The following SLIT3 variants were observed in gnomAD, a reference collection of about 807,000 sequenced individuals.
SLIT3 encodes slit homolog 3 protein.
Under a neutral mutation model 184.0 loss-of-function variants are expected in SLIT3, and 68 were observed. The observed-to-expected ratio is 0.37, with a 90% confidence interval of 0.30 to 0.45. The LOEUF (loss-of-function observed/expected upper bound fraction) is 0.45. Ranked by LOEUF, SLIT3 falls within the 20% of genes least tolerant of loss-of-function variation. The pLI, the probability that SLIT3 is intolerant of heterozygous loss-of-function variation, is 1.00. For missense variants in SLIT3, 1,707 were observed against 2,026.0 expected, an observed-to-expected ratio of 0.84 and a Z score of 3.02; for synonymous variants, 831 against 828.6, an observed-to-expected ratio of 1.00 and a Z score of -0.05.
chr5:169,181,571 C>T (rs1006301256), intron 4 of SLIT3, among the ~76,000 whole-genome samples: 2 of 151,948 alleles, frequency 1.3e-5, no homozygotes, highest in African/African-American at 4.8e-5. Flanking sequence ...GAAACCCTGT[C>T]TCTACTAAAA....
intron 4 of SLIT3, among the ~76,000 whole-genome samples, chr5:169,189,172 T>C (rs183344185): frequency 4.6e-5 from 7 of 152,114 alleles, no homozygotes; most frequent in Non-Finnish European, 2.9e-5. Context: ...AATACACACA[T>C]GAGTCGGATG....
At chr5:169,205,850 C>T (rs1281353106) in intron 3 of SLIT3, among the ~76,000 whole-genome samples, 1 of 152,190 alleles carries the variant, frequency 6.6e-6, no homozygotes, top group Non-Finnish European at 1.5e-5. Flanking sequence ...TAGCACAAAT[C>T]AAACACTTTG....
At chr5:168,705,563 C>A (rs1393025533) in intron 26 of SLIT3, among the ~76,000 whole-genome samples, 1 of 152,146 alleles carries the variant, frequency 6.6e-6, no homozygotes, top group Non-Finnish European at 1.5e-5. Flanking sequence ...ATCATCTTCA[C>A]CATCACCATC....
At chr5:169,088,941 A>G (rs1178933973) in intron 4 of SLIT3, among the ~76,000 whole-genome samples, 1 of 143,036 alleles carries the variant, frequency 7.0e-6, no homozygotes, top group Non-Finnish European at 1.5e-5. Flanking sequence ...AATCGCTCGT[A>G]CCTGGGAGGC....
Position 168,902,226 on chromosome 5 carries a change from C to T in SLIT3, c.414-18890G>A, listed in dbSNP as rs2113030280. ...GTCTTTCTAGATCCATGTACCTGTCCATTCATCCAAATATTAACGAACATT... is the reference window on the plus strand; with the variant it reads ...GTCTTTCTAGATCCATGTACCTGTCTATTCATCCAAATATTAACGAACATT... On this transcript the variant is annotated intron_variant, in intron 4 of 35. Coordinates refer to ENST00000519560, the MANE Select transcript of SLIT3 (RefSeq NM_003062.4). Among the ~76,000 whole-genome samples, 3 of 152,298 alleles carry T rather than the reference C, an allele frequency of 2.0e-5. No individual in the cohort carries two copies. The South Asian group carries it at 6.2e-4, about 32-fold the overall frequency.
chr5:169,004,203 C>T (rs1400398647), intron 4 of SLIT3, among the ~76,000 whole-genome samples: 2 of 151,928 alleles, frequency 1.3e-5, no homozygotes, highest in Non-Finnish European at 2.9e-5. Context: ...ACACGAAACC[C>T]GAAGGGCTGA....
intron 4 of SLIT3, chr5:169,037,865 C>T (rs1757310784): frequency 6.6e-6 from 1 of 152,268 alleles, no homozygotes; most frequent in Admixed American, 6.5e-5. Context: ...TGATGTGGCG[C>T]ACTGGGCCAT....
At chr5:169,203,083 C>A (rs969523859) in intron 3 of SLIT3, among the ~76,000 whole-genome samples, 6 of 152,124 alleles carry the variant, frequency 3.9e-5, no homozygotes, top group African/African-American at 1.4e-4. Context: ...ACTGGTTCTG[C>A]AGAGAATGGG....
chr5:169,132,572 G>T (rs1761342543), intron 4 of SLIT3, among the ~76,000 whole-genome samples: 1 of 152,156 alleles, frequency 6.6e-6, no homozygotes, highest in Non-Finnish European at 1.5e-5. Flanking sequence ...AGTTTCAGTA[G>T]ATCTGAAATA....
intron 4 of SLIT3, among the ~76,000 whole-genome samples, chr5:169,134,548 C>A (rs1356916343): frequency 1.3e-5 from 2 of 152,148 alleles, no homozygotes; most frequent in Admixed American, 6.5e-5. Flanking sequence ...CTTGACCACC[C>A]TATAAAAAGT....
intron 12 of SLIT3, among the ~76,000 whole-genome samples, chr5:168,784,923 A>G (rs1211225826): frequency 6.6e-6 from 1 of 151,380 alleles, no homozygotes; most frequent in African/African-American, 2.4e-5. Flanking sequence ...GCAAACATAC[A>G]TCATGTGCTA....
At chr5:168,932,353 C>T (rs1162308417) in intron 4 of SLIT3, among the ~76,000 whole-genome samples, 1 of 111,844 alleles carries the variant, frequency 8.9e-6, no homozygotes, top group Non-Finnish European at 1.7e-5. Flanking sequence ...AAAAGACACA[C>T]ACACACACAC....
chr5:169,282,637 G>A (rs987071974), intron 1 of SLIT3, among the ~76,000 whole-genome samples: 1 of 152,098 alleles, frequency 6.6e-6, no homozygotes, highest in Non-Finnish European at 1.5e-5. Flanking sequence ...AAATAAGTGA[G>A]GTTATATTGC....
intron 4 of SLIT3, among the ~76,000 whole-genome samples, chr5:168,914,384 G>A (rs1221023367): frequency 6.6e-6 from 1 of 152,200 alleles, no homozygotes; most frequent in Admixed American, 6.5e-5. Context: ...CCAGGGTTTG[G>A]GGAAGATTAA....
chr5:169,040,757 A>C (rs1757420955), intron 4 of SLIT3, among the ~76,000 whole-genome samples: 1 of 152,192 alleles, frequency 6.6e-6, no homozygotes, highest in Non-Finnish European at 1.5e-5. Flanking sequence ...CACCTCAATC[A>C]ATTATCCCTT....
chr5:168,712,570 G>C (rs1054007320), intron 23 of SLIT3: 19 of 556,068 alleles, frequency 3.4e-5, no homozygotes, highest in African/African-American at 1.7e-4. Flanking sequence ...GCGGAAGAAG[G>C]GGGTGGACTT....
At chr5:168,739,876 A>G (rs1430656185) in intron 20 of SLIT3, among the ~76,000 whole-genome samples, 2 of 152,250 alleles carry the variant, frequency 1.3e-5, no homozygotes, top group Non-Finnish European at 2.9e-5. Context: ...AGATATTAAA[A>G]AGATTTGCAA....
At chr5:169,195,366 C>T (rs1763707880) in intron 3 of SLIT3, among the ~76,000 whole-genome samples, 1 of 152,234 alleles carries the variant, frequency 6.6e-6, no homozygotes, top group Non-Finnish European at 1.5e-5. Flanking sequence ...AATAAGCCCA[C>T]TGTCAAGAGG....
intron 1 of SLIT3, among the ~76,000 whole-genome samples, chr5:169,273,983 T>C (rs1766717898): frequency 2.6e-5 from 4 of 152,186 alleles, no homozygotes; most frequent in Admixed American, 2.6e-4. Context: ...CCAGGCACTG[T>C]ACAATACTAG....
Sources: gnomAD v4.1 joint callset for allele counts (sites outside exome capture counted in the v4.1 genomes callset) on GRCh38, gnomAD v4.1.1 for gene constraint, MANE v1.5 for transcripts, NCBI Gene and HGNC (gene_info 2026-07-23, HGNC 2026-07-21) for gene names.